Variants in CCDC91 observed in about 807,000 individuals in gnomAD.
CCDC91 encodes coiled-coil domain containing 91.
In CCDC91, 48 loss-of-function variants were observed where a neutral mutation model predicts 63.2. The observed-to-expected ratio is 0.76, with a 90% CI of 0.60 to 0.97. The LOEUF (loss-of-function observed/expected upper bound fraction) is 0.97. CCDC91 is among the 50% of genes least tolerant of loss of function. The pLI is 0.00. For synonymous variants in CCDC91, 167 were observed against 165.8 expected (o/e 1.01, Z -0.06); for missense variants, 500 against 494.6 (o/e 1.01, Z -0.10).
intron 6 of CCDC91, among the ~76,000 whole-genome samples, chr12:28,325,969 C>T (rs1186382687): frequency 6.6e-6 from 1 of 152,068 alleles, no homozygotes; most frequent in Non-Finnish European, 1.5e-5. Context: ...TTACATTCTG[C>T]AAGATATTTG....
chr12:28,455,975 A>C (rs1950040335), intron 11 of CCDC91, among the ~76,000 whole-genome samples: 1 of 152,126 alleles, frequency 6.6e-6, no homozygotes, highest in African/African-American at 2.4e-5. Context: ...AAATTCAGGC[A>C]GTTTAACTCC....
chr12:28,296,945 AT>A (rs1342884947), intron 3 of CCDC91, among the ~76,000 whole-genome samples: 2 of 151,898 alleles, frequency 1.3e-5, no homozygotes, highest in African/African-American at 4.8e-5. Flanking sequence ...CTGAAAATAC[AT>A]TTGGGGATCA....
chr12:28,215,482 A>C (rs1441793273), intron 1 of CCDC91, among the ~76,000 whole-genome samples: 3 of 152,174 alleles, frequency 2.0e-5, no homozygotes, highest in African/African-American at 7.2e-5. Context: ...TGTGGTTGGC[A>C]TGATGTAATG....
intron 12 of CCDC91, among the ~76,000 whole-genome samples, chr12:28,520,364 G>A (rs1382183186): frequency 6.6e-6 from 1 of 152,186 alleles, no homozygotes; most frequent in African/African-American, 2.4e-5. Flanking sequence ...CTGCATAAAT[G>A]TCTTCTTTTG....
intron 12 of CCDC91, among the ~76,000 whole-genome samples, chr12:28,530,797 A>G (rs1941667789): frequency 6.6e-6 from 1 of 152,104 alleles, no homozygotes; most frequent in African/African-American, 2.4e-5. Context: ...TTCAGTGACC[A>G]CTGAAAGGAG....
chr12:28,288,572 G>C (rs567346375), intron 3 of CCDC91, among the ~76,000 whole-genome samples: 2 of 152,190 alleles, frequency 1.3e-5, no homozygotes, highest in African/African-American at 4.8e-5. Context: ...GGTTTTTGAT[G>C]TGCTGCTGGA....
intron 8 of CCDC91, among the ~76,000 whole-genome samples, chr12:28,419,867 A>G (rs1257613476): frequency 5.9e-5 from 9 of 151,682 alleles, no homozygotes; most frequent in Admixed American, 4.6e-4. Flanking sequence ...AGCTATCCTA[A>G]CACCTAAGCC....
intron 3 of CCDC91, among the ~76,000 whole-genome samples, chr12:28,275,918 A>T (rs1264613093): frequency 6.6e-6 from 1 of 152,154 alleles, no homozygotes; most frequent in African/African-American, 2.4e-5. Context: ...ACAAAATTCA[A>T]CAACCCTTCA....
At chr12:28,286,572 T>C (rs555055290) in intron 3 of CCDC91, among the ~76,000 whole-genome samples, 2 of 152,352 alleles carry the variant, frequency 1.3e-5, no homozygotes, top group African/African-American at 4.8e-5. Context: ...TAGTATTCCA[T>C]GGTGTACATA....
chr12:28,515,235 A>T (rs1939818267), intron 12 of CCDC91, among the ~76,000 whole-genome samples: 1 of 151,776 alleles, frequency 6.6e-6, no homozygotes, highest in South Asian at 2.1e-4. Context: ...GCAGGGAAAA[A>T]TTTTTGAAAG....
chr12:28,263,709 T>A (rs1946981821), intron 3 of CCDC91, among the ~76,000 whole-genome samples: 2 of 152,198 alleles, frequency 1.3e-5, no homozygotes, highest in South Asian at 4.2e-4. Context: ...TCTCTTTATG[T>A]CTATGTTAGT....
intron 3 of CCDC91, among the ~76,000 whole-genome samples, chr12:28,286,247 G>A (rs796736394): frequency 3.9e-5 from 6 of 152,032 alleles, no homozygotes; most frequent in African/African-American, 1.4e-4. Flanking sequence ...AAGGTTACGT[G>A]TGAAGGTTTG....
At chr12:28,335,284 TTATA>T (rs1941869456) in intron 6 of CCDC91, among the ~76,000 whole-genome samples, 1 of 124,562 alleles carries the variant, frequency 8.0e-6, no homozygotes, top group Non-Finnish European at 1.8e-5. Flanking sequence ...ATAATACATA[TTATA>T]TATAATATAA....
chr12:28,215,593 A>G (rs1943512176), intron 1 of CCDC91, among the ~76,000 whole-genome samples: 2 of 152,108 alleles, frequency 1.3e-5, no homozygotes, highest in South Asian at 2.1e-4. Context: ...ATTTGCCTTT[A>G]TTCTTTGTGG....
intron 12 of CCDC91, among the ~76,000 whole-genome samples, chr12:28,488,247 G>A (rs929444385): frequency 2.0e-5 from 3 of 151,632 alleles, no homozygotes; most frequent in African/African-American, 4.8e-5. Context: ...CCTAGTATTC[G>A]TCTGGTCTAA....
At chr12:28,479,019 T>G (rs1216971819) in intron 11 of CCDC91, among the ~76,000 whole-genome samples, 1 of 152,202 alleles carries the variant, frequency 6.6e-6, no homozygotes, top group African/African-American at 2.4e-5. Flanking sequence ...TTGGTGGGAC[T>G]GTAAATTAGT....
intron 12 of CCDC91, among the ~76,000 whole-genome samples, chr12:28,506,645 T>G (rs1185446935): frequency 6.6e-6 from 1 of 151,968 alleles, no homozygotes; most frequent in Non-Finnish European, 1.5e-5. Flanking sequence ...TTAATGCTTA[T>G]AACAGGGCTA....
At chr12:28,374,006 CA>C (rs1449107383) in intron 7 of CCDC91, among the ~76,000 whole-genome samples, 1 of 152,142 alleles carries the variant, frequency 6.6e-6, no homozygotes, top group Non-Finnish European at 1.5e-5. Context: ...AACTGTGAAT[CA>C]ATTAAACCTC....
intron 12 of CCDC91, among the ~76,000 whole-genome samples, chr12:28,542,669 T>G (rs1334290786): frequency 6.6e-6 from 1 of 152,122 alleles, no homozygotes; most frequent in Non-Finnish European, 1.5e-5. Context: ...TTAACATGTA[T>G]TTTATATAAA....
Sources: allele counts gnomAD v4.1 joint callset (sites outside exome capture counted in the v4.1 genomes callset), GRCh38; gene constraint gnomAD v4.1.1; transcripts MANE v1.5; gene names NCBI Gene and HGNC (gene_info 2026-07-23, HGNC 2026-07-21).